CLK4: variants seen among roughly 807,000 people sequenced by gnomAD.
CLK4 encodes dual specificity protein kinase CLK4.
CLK4 carries 37 observed loss-of-function variants against 64.4 expected under a neutral mutation model. The ratio of observed to expected loss-of-function variants is 0.57; its 90% CI spans 0.44 to 0.76. The LOEUF is 0.76. CLK4 is among the 30% of genes least tolerant of loss of function. The probability of loss-of-function intolerance (pLI) is 0.00; values close to 1 mark genes in which losing one functional copy is unlikely to be tolerated. For synonymous variants in CLK4, 175 were observed against 191.6 expected (o/e 0.91, Z 0.72); for missense variants, 457 against 605.1 (o/e 0.76, Z 2.57).
Position 178,602,849 on chromosome 5 carries a change from G to A in CLK4, c.*768C>T, listed in dbSNP as rs1323642573. ...TTATGTCATTTGATAAACAGATGCT[G>A]GCCAATGTTAAGACTCCTAAGGACT... On this transcript the variant is annotated 3_prime_UTR_variant, in exon 13 of 13. Coordinates refer to ENST00000316308, the MANE Select transcript of CLK4 (RefSeq NM_020666.3). 1 of 152,080 alleles carries A rather than the reference G, an allele frequency of 6.6e-6. No homozygotes were observed. The highest frequency in any genetic ancestry group is 6.6e-5 in the Admixed American group (1 of 15,258). The allele number at this position is 152,080 out of a possible 1,614,324, so 9.4% of individuals were successfully genotyped here.
intron 5 of CLK4, among the ~76,000 whole-genome samples, chr5:178,615,796 G>A (rs954564498): frequency 6.6e-6 from 1 of 151,712 alleles, no homozygotes; most frequent in Non-Finnish European, 1.5e-5. Context: ...TCTTACAAAA[G>A]TTTTCAAGCC....
chr5:178,620,958 T>C (rs1350103035), intron 2 of CLK4, among the ~76,000 whole-genome samples: 2 of 152,160 alleles, frequency 1.3e-5, no homozygotes, highest in Admixed American at 1.3e-4. Flanking sequence ...AATGGCATAT[T>C]ACCATCTTAA....
intron 10 of CLK4, among the ~76,000 whole-genome samples, chr5:178,606,038 A>C (rs778622939): frequency 6.6e-5 from 10 of 152,220 alleles, no homozygotes; most frequent in Non-Finnish European, 1.5e-4. Context: ...TTTAAAAGAA[A>C]TCTATCAACT....
chr5:178,607,636 G>C (rs988143113), intron 10 of CLK4, among the ~76,000 whole-genome samples: 1 of 145,696 alleles, frequency 6.9e-6, no homozygotes, highest in Admixed American at 7.1e-5. Flanking sequence ...TCAGCCTCCC[G>C]AGTAGCTGGG....
chr5:178,606,748 AG>A (rs1188536449), intron 10 of CLK4, among the ~76,000 whole-genome samples: 1 of 152,082 alleles, frequency 6.6e-6, no homozygotes, highest in Non-Finnish European at 1.5e-5. Context: ...AGATCACTTG[AG>A]GTCAGGAGTT....
At chr5:178,605,192 A>AT in intron 11 of CLK4, 111 bp downstream of exon 11, 3 of 544,160 alleles carry the variant, frequency 5.5e-6, no homozygotes, top group Non-Finnish European at 8.9e-6. Context: ...AAAAAAAAAA[A>AT]GTCAAAATCT....
At chr5:178,623,230 T>G in intron 2 of CLK4, 26 bp downstream of exon 2, 13 of 1,595,042 alleles carry the variant, frequency 8.2e-6, no homozygotes, top group Non-Finnish European at 1.1e-5. Flanking sequence ...AGAGCTAAAA[T>G]GCTAGTAGTT....
intron 1 of CLK4, among the ~76,000 whole-genome samples, chr5:178,626,521 A>T (rs1312177479): frequency 6.6e-6 from 1 of 152,202 alleles, no homozygotes; most frequent in Non-Finnish European, 1.5e-5. Context: ...GACTCTGGAA[A>T]ACCCCCGAAA....
intron 1 of CLK4, 59 bp from the exon 2 acceptor site, chr5:178,623,475 T>C (rs1764737691): frequency 7.4e-7 from 1 of 1,344,740 alleles, no homozygotes; most frequent in Non-Finnish European, 9.8e-7. Flanking sequence ...AGGTAAATTA[T>C]TATATATTAA....
At chr5:178,625,612 GT>G (rs1009553302) in intron 1 of CLK4, among the ~76,000 whole-genome samples, 11 of 152,006 alleles carry the variant, frequency 7.2e-5, no homozygotes, top group Admixed American at 5.9e-4. Flanking sequence ...TTACTATGAA[GT>G]TTTTTTCAAG....
At position 178,603,586 on chromosome 5, in the gene CLK4, G is replaced by A. The variant is rs1764417157; in HGVS notation, c.*31C>T. ...ACAGTCTTAAGTAATCTCTTCTAGA[G>A]AAGTATATAGTAAGACCACTGATTC... On this transcript the variant is annotated 3_prime_UTR_variant, in exon 13 of 13. Coordinates refer to ENST00000316308, the MANE Select transcript of CLK4 (RefSeq NM_020666.3). 4 of 1,480,514 alleles carry A rather than the reference G, an allele frequency of 2.7e-6. No homozygotes were observed. Among genetic ancestry groups the A allele is most frequent in the Non-Finnish European group, 3.6e-6 (4 of 1,105,518 alleles). The allele number at this position is 1,480,514 out of a possible 1,614,324, so 91.7% of individuals were successfully genotyped here.
chr5:178,609,812 G>C (rs571690525), intron 9 of CLK4, among the ~76,000 whole-genome samples: 6 of 150,958 alleles, frequency 4.0e-5, no homozygotes, highest in Non-Finnish European at 8.9e-5. Context: ...AGGAGGCTGA[G>C]GCAGGAGAAT....
chr5:178,614,342 G>A (rs1213922047), intron 5 of CLK4, among the ~76,000 whole-genome samples: 1 of 152,290 alleles, frequency 6.6e-6, no homozygotes, highest in East Asian at 1.9e-4. Flanking sequence ...AGATAGCTGG[G>A]AGTTTGTCAG....
chr5:178,604,563 T>C (rs1764438870), intron 11 of CLK4: 1 of 151,884 alleles, frequency 6.6e-6, no homozygotes, highest in African/African-American at 2.4e-5. Flanking sequence ...GGAGGAGGGA[T>C]GATGGTTTGG....
rs1017489463 is a variant in CLK4 at position 178,623,550 on chromosome 5, T to C, written c.1-134A>G. The C allele has an allele frequency of 9.8e-6, 6 of 614,186 alleles. No individual in the cohort carries two copies. The East Asian group carries it at 2.1e-4, about 21-fold the overall frequency. The allele number at this position is 614,186 out of a possible 1,614,324, so 38.0% of individuals were successfully genotyped here. ...CAGGCTCCAAAATCTTTTTAGGTGG[T>C]AATGCTTCCCAAGGCACTGGTATGT... On this transcript the variant is annotated intron_variant, in intron 1 of 12. Transcript: ENST00000316308.
intron 2 of CLK4, chr5:178,622,693 AAAG>A (rs1409764459): frequency 6.6e-6 from 1 of 152,478 alleles, no homozygotes; most frequent in Non-Finnish European, 1.5e-5. Context: ...TACCTATGCA[AAAG>A]AATAGTTCTT....
chr5:178,615,628 T>TA (rs1487818346), intron 5 of CLK4, among the ~76,000 whole-genome samples: 3 of 152,236 alleles, frequency 2.0e-5, no homozygotes, highest in African/African-American at 7.2e-5. Flanking sequence ...GCTGCTATGG[T>TA]ATTTAGATTC....
intron 10 of CLK4, among the ~76,000 whole-genome samples, chr5:178,607,507 CTTTT>C (rs70997615): frequency 3.8e-5 from 3 of 78,076 alleles, no homozygotes; most frequent in African/African-American, 1.0e-4. Context: ...TACACTTTGT[CTTTT>C]TTTTTTTTTT....
intron 10 of CLK4, among the ~76,000 whole-genome samples, chr5:178,606,761 G>A (rs1277688996): frequency 3.3e-5 from 5 of 152,018 alleles, no homozygotes; most frequent in South Asian, 2.1e-4. Flanking sequence ...TCAGGAGTTC[G>A]AGACCAGCCT....
Sources: allele counts gnomAD v4.1 joint callset (sites outside exome capture counted in the v4.1 genomes callset), GRCh38; gene constraint gnomAD v4.1.1; transcripts MANE v1.5; gene names NCBI Gene and HGNC (gene_info 2026-07-23, HGNC 2026-07-21).